The following KLHL29 variants were observed in gnomAD, a reference collection of about 807,000 sequenced individuals.
KLHL29 encodes the protein kelch like family member 29, also known as kelch-like protein 29.
Under a neutral mutation model 80.4 loss-of-function variants are expected in KLHL29, and 21 were observed. The ratio of observed to expected loss-of-function variants is 0.26; its 90% CI spans 0.19 to 0.38. The LOEUF (loss-of-function observed/expected upper bound fraction) is 0.38. KLHL29 is among the 10% of genes least tolerant of loss of function. KLHL29 has a pLI of 1.00. For missense variants in KLHL29, 867 were observed against 1,223.9 expected (o/e 0.71, Z 4.35); for synonymous variants, 511 against 526.8 (o/e 0.97, Z 0.41).
intron 3 of KLHL29, among the ~76,000 whole-genome samples, chr2:23,608,336 G>A (rs970296323): frequency 3.9e-5 from 6 of 152,248 alleles, no homozygotes; most frequent in East Asian, 1.9e-4. Flanking sequence ...ACTCCCACGC[G>A]CCTGTGAGGT....
chr2:23,457,400 C>T lies in KLHL29; in HGVS notation c.-153-18160C>T, dbSNP rs900914517. ...GGTTCTTAATTCTTTCCTTCATCTTCCTCTCCTTTGATTCTGATCCATTAA... is the reference window on the plus strand; with the variant it reads ...GGTTCTTAATTCTTTCCTTCATCTTTCTCTCCTTTGATTCTGATCCATTAA... On this transcript the variant is annotated intron_variant, in intron 1 of 13. Transcript: ENST00000486442. The surrounding 1 kb of genome is among the most constrained non-coding windows in gnomAD (Gnocchi z 4.3). 2.6e-5 allele frequency among the ~76,000 whole-genome samples: 4 copies of T among 152,182 alleles called. No individual in the cohort carries two copies. The highest frequency in any genetic ancestry group is 4.4e-5 in the Non-Finnish European group (3 of 68,040).
chr2:23,527,293 C>T (rs531194539), intron 2 of KLHL29, among the ~76,000 whole-genome samples: 3 of 152,226 alleles, frequency 2.0e-5, no homozygotes, highest in East Asian at 1.9e-4. Flanking sequence ...AGAGCCAGCA[C>T]GTGCTTGCCC....
At chr2:23,542,915 GTC>G (rs1209309057) in intron 2 of KLHL29, among the ~76,000 whole-genome samples, 1 of 152,182 alleles carries the variant, frequency 6.6e-6, no homozygotes, top group Non-Finnish European at 1.5e-5. Flanking sequence ...ACTCCCAACT[GTC>G]TGAGCTTCTG....
chr2:23,703,953 C>A, intron 13 of KLHL29, 90 bp downstream of exon 13: 1 of 1,377,162 alleles, frequency 7.3e-7, no homozygotes, highest in Non-Finnish European at 9.7e-7. Context: ...CATCAGTGAC[C>A]ATAGCAATTC....
chr2:23,459,353 G>T (rs1271245980), intron 1 of KLHL29, among the ~76,000 whole-genome samples: 1 of 152,156 alleles, frequency 6.6e-6, no homozygotes, highest in Non-Finnish European at 1.5e-5. Flanking sequence ...GGACTGGAGA[G>T]AATATGTTTT....
intron 1 of KLHL29, among the ~76,000 whole-genome samples, chr2:23,408,456 C>T (rs1180677627): frequency 2.6e-5 from 4 of 152,054 alleles, no homozygotes; most frequent in Non-Finnish European, 5.9e-5. Flanking sequence ...TTTGAGTTTA[C>T]TTCCATATCT....
chr2:23,598,805 T>C (rs192297601), intron 3 of KLHL29, among the ~76,000 whole-genome samples: 6 of 152,298 alleles, frequency 3.9e-5, no homozygotes, highest in Non-Finnish European at 7.4e-5. Context: ...TGGAGCCTGA[T>C]AGTTCCGAGT....
At chr2:23,557,066 T>C (rs1480623159) in intron 2 of KLHL29, among the ~76,000 whole-genome samples, 1 of 152,214 alleles carries the variant, frequency 6.6e-6, no homozygotes, top group Non-Finnish European at 1.5e-5. Context: ...ACGGGCAGCC[T>C]GCCAGGAAAG....
At chr2:23,468,310 C>G (rs1334346335) in intron 1 of KLHL29, among the ~76,000 whole-genome samples, 1 of 152,080 alleles carries the variant, frequency 6.6e-6, no homozygotes, top group East Asian at 1.9e-4. Flanking sequence ...CTGGTGTCTC[C>G]GAGACTAGGA....
intron 2 of KLHL29, among the ~76,000 whole-genome samples, chr2:23,481,970 G>T (rs1189718429): frequency 6.6e-6 from 1 of 152,088 alleles, no homozygotes; most frequent in African/African-American, 2.4e-5. Flanking sequence ...GGGCTGGGGG[G>T]AGATCAGAGA....
intron 3 of KLHL29, among the ~76,000 whole-genome samples, chr2:23,579,423 G>A (rs1446551109): frequency 6.6e-6 from 1 of 152,092 alleles, no homozygotes; most frequent in Admixed American, 6.5e-5. Flanking sequence ...CATATCCTCA[G>A]CCTCAAAGCT....
intron 1 of KLHL29, among the ~76,000 whole-genome samples, chr2:23,436,993 A>G (rs1048026833): frequency 6.6e-6 from 1 of 152,198 alleles, no homozygotes. Flanking sequence ...CACACACCAG[A>G]AAGGAACTGG....
At chr2:23,447,896 G>T (rs779784440) in intron 1 of KLHL29, among the ~76,000 whole-genome samples, 35 of 152,174 alleles carry the variant, frequency 2.3e-4, no homozygotes, top group African/African-American at 8.0e-4. Context: ...GATATATGAC[G>T]TTTGTCATCT....
chr2:23,687,960 C>T (rs1041648094), intron 6 of KLHL29, among the ~76,000 whole-genome samples: 4 of 152,096 alleles, frequency 2.6e-5, no homozygotes, highest in Non-Finnish European at 4.4e-5. Context: ...AGCCTGCGGC[C>T]GAGTCCCTTT....
chr2:23,652,177 A>G (rs564417063), intron 5 of KLHL29, among the ~76,000 whole-genome samples: 2 of 152,144 alleles, frequency 1.3e-5, no homozygotes, highest in South Asian at 4.1e-4. Context: ...CACTTTTGCC[A>G]TTTTTATCCT....
chr2:23,387,544 T>TGA (rs1481998676), intron 1 of KLHL29, among the ~76,000 whole-genome samples: 2 of 131,112 alleles, frequency 1.5e-5, no homozygotes, highest in East Asian at 4.6e-4. Context: ...ATTATTATTA[T>TGA]TATGGAAAGA....
At chr2:23,481,773 C>T (rs1664803525) in intron 2 of KLHL29, among the ~76,000 whole-genome samples, 1 of 152,166 alleles carries the variant, frequency 6.6e-6, no homozygotes, top group African/African-American at 2.4e-5. Flanking sequence ...AAAAATCAGC[C>T]GGGCGTGGTG....
At chr2:23,512,518 A>G (rs932046422) in intron 2 of KLHL29, among the ~76,000 whole-genome samples, 3 of 152,222 alleles carry the variant, frequency 2.0e-5, no homozygotes, top group Admixed American at 6.5e-5. Flanking sequence ...GCTAATTATA[A>G]AAGAAGTTTA....
chr2:23,620,632 CAG>C (rs1260603885), intron 3 of KLHL29, among the ~76,000 whole-genome samples: 1 of 152,088 alleles, frequency 6.6e-6, no homozygotes, highest in Non-Finnish European at 1.5e-5. Context: ...CCGGGACACA[CAG>C]AGTGTGAAGT....
Sources: gnomAD v4.1 joint callset for allele counts (sites outside exome capture counted in the v4.1 genomes callset) on GRCh38, gnomAD v4.1.1 for gene constraint, Gnocchi (gnomAD v3.1) non-coding constraint, MANE v1.5 for transcripts, NCBI Gene and HGNC (gene_info 2026-07-23, HGNC 2026-07-21) for gene names.